Variants in WIPF3 observed in about 807,000 individuals in gnomAD.
WIPF3 encodes the protein WAS/WASL-interacting protein family member 3.
In WIPF3, 33 loss-of-function variants were observed where a neutral mutation model predicts 38.9. The ratio of observed to expected loss-of-function variants is 0.85; its 90% CI spans 0.64 to 1.14. The LOEUF (loss-of-function observed/expected upper bound fraction) is 1.14. WIPF3 is among the 50% of genes most tolerant of loss of function. The pLI is 0.00. For synonymous variants in WIPF3, 324 were observed against 269.3 expected (o/e 1.20, Z -1.99); for missense variants, 711 against 652.5 (o/e 1.09, Z -0.98).
chr7:29,904,145 A>G (rs1786344153), intron 7 of WIPF3, 141 bp from the exon 8 acceptor site: 1 of 673,226 alleles, frequency 1.5e-6, no homozygotes, highest in African/African-American at 1.8e-5. Context: ...AGAAGATGGG[A>G]GTGGTGGAAA....
intron 2 of WIPF3, among the ~76,000 whole-genome samples, chr7:29,847,610 G>A (rs556273118): frequency 6.6e-6 from 1 of 152,044 alleles, no homozygotes; most frequent in South Asian, 2.1e-4. Context: ...CTGAACAGGG[G>A]AAACCCAGCA....
At position 29,874,493 on chromosome 7, in the gene WIPF3, T is replaced by C. The variant is rs117622325; in HGVS notation, c.91-1337T>C. On this transcript the variant is annotated intron_variant, in intron 2 of 8. Coordinates refer to ENST00000242140, the MANE Select transcript of WIPF3 (RefSeq NM_001080529.3). Reference sequence around the variant, plus strand: ...AAACAGTGAATGGCCTTATTTAGATTTGGGGTCAGAAAAGGCCTCTGAAGT... The same window carrying C: ...AAACAGTGAATGGCCTTATTTAGATCTGGGGTCAGAAAAGGCCTCTGAAGT... 3.9e-3 allele frequency among the ~76,000 whole-genome samples: 593 copies of C among 152,248 alleles called. 4 individuals carry two copies. The highest frequency in any genetic ancestry group is 0.019 in the East Asian group (99 of 5,182).
At chr7:29,858,318 A>G (rs1241011674) in intron 2 of WIPF3, among the ~76,000 whole-genome samples, 1 of 152,198 alleles carries the variant, frequency 6.6e-6, no homozygotes, top group Non-Finnish European at 1.5e-5. Context: ...AGCCTCTTCC[A>G]TAGCGTGTGG....
chr7:29,824,930 T>G (rs1338240509), intron 1 of WIPF3, among the ~76,000 whole-genome samples: 1 of 152,170 alleles, frequency 6.6e-6, no homozygotes, highest in African/African-American at 2.4e-5. Flanking sequence ...GCACTTAAAC[T>G]AACCTAAAGT....
At chr7:29,856,768 C>T (rs1785192995) in intron 2 of WIPF3, among the ~76,000 whole-genome samples, 1 of 152,132 alleles carries the variant, frequency 6.6e-6, no homozygotes, top group African/African-American at 2.4e-5. Flanking sequence ...GGATGATACC[C>T]TTAGACAGAA....
At chr7:29,809,678 A>G (rs1784340474) in intron 1 of WIPF3, among the ~76,000 whole-genome samples, 2 of 152,158 alleles carry the variant, frequency 1.3e-5, no homozygotes, top group Admixed American at 1.3e-4. Context: ...CCCTTTTGCA[A>G]TTCTAGCTGC....
chr7:29,888,280 G>GGA (rs995654382), intron 6 of WIPF3, 63 bp downstream of exon 6: 3 of 1,538,320 alleles, frequency 2.0e-6, no homozygotes, highest in Middle Eastern at 1.7e-4. Context: ...CCCAACCTCT[G>GGA]GAGAGAGAGT....
intron 7 of WIPF3, among the ~76,000 whole-genome samples, chr7:29,899,210 C>T (rs1224840881): frequency 6.6e-6 from 1 of 152,174 alleles, no homozygotes; most frequent in Non-Finnish European, 1.5e-5. Flanking sequence ...CCAAAAGCCA[C>T]ACCTCCAAAT....
chr7:29,825,443 T>C (rs985818273), intron 1 of WIPF3, among the ~76,000 whole-genome samples: 1 of 152,250 alleles, frequency 6.6e-6, no homozygotes, highest in African/African-American at 2.4e-5. Flanking sequence ...ATAACTGTTA[T>C]ATAAAATGCA....
At chr7:29,845,545 C>T (rs112231142) in intron 2 of WIPF3, among the ~76,000 whole-genome samples, 4 of 152,194 alleles carry the variant, frequency 2.6e-5, no homozygotes, top group African/African-American at 9.7e-5. Context: ...CATATGTTGC[C>T]TCTTCATTAA....
intron 7 of WIPF3, among the ~76,000 whole-genome samples, chr7:29,890,815 G>A (rs1785994457): frequency 1.4e-5 from 2 of 147,628 alleles, no homozygotes; most frequent in African/African-American, 5.0e-5. Flanking sequence ...TGCTCAGGTG[G>A]AGGGGGCGCA....
At chr7:29,871,955 A>G (rs892583636) in intron 2 of WIPF3, among the ~76,000 whole-genome samples, 6 of 152,238 alleles carry the variant, frequency 3.9e-5, no homozygotes, top group Non-Finnish European at 5.9e-5. Flanking sequence ...AACTGAGTCA[A>G]CAAAAGCTTT....
At chr7:29,890,950 C>CACGG (rs1786002086) in intron 7 of WIPF3, among the ~76,000 whole-genome samples, 2 of 94,890 alleles carry the variant, frequency 2.1e-5, no homozygotes, top group African/African-American at 8.4e-5. Flanking sequence ...GTGGAGGGGG[C>CACGG]GCGGGCCTGC....
chr7:29,850,060 A>G (rs930772534), intron 2 of WIPF3, among the ~76,000 whole-genome samples: 5 of 152,240 alleles, frequency 3.3e-5, no homozygotes, highest in African/African-American at 1.2e-4. Context: ...AGACTCATTC[A>G]TATGCCTTTT....
Position 29,914,661 on chromosome 7 carries a change from G to T in WIPF3, c.*145G>T. On this transcript the variant is annotated 3_prime_UTR_variant, in exon 9 of 9. Transcript: ENST00000242140. ...TTATTGTAAATATGTGATTTGCACG[G>T]GCTTTAAAGCAGTATTTTAATTGAC... 3.9e-6 allele frequency: 2 copies of T among 509,868 alleles called. No individual in the cohort carries two copies. The highest frequency in any genetic ancestry group is 6.6e-6 in the Non-Finnish European group (2 of 302,306). The allele number at this position is 509,868 out of a possible 1,614,324, so 31.6% of individuals were successfully genotyped here.
intron 7 of WIPF3, among the ~76,000 whole-genome samples, chr7:29,897,669 G>A (rs1786179267): frequency 6.6e-6 from 1 of 152,136 alleles, no homozygotes; most frequent in Admixed American, 6.6e-5. Context: ...TCAACAGTAT[G>A]GAATAGTTCA....
intron 1 of WIPF3, among the ~76,000 whole-genome samples, chr7:29,814,768 AT>A (rs1375255542): frequency 6.6e-6 from 1 of 152,090 alleles, no homozygotes; most frequent in African/African-American, 2.4e-5. Flanking sequence ...TGCTCAGTAC[AT>A]GTGAACTATT....
chr7:29,891,625 A>G (rs1321907479), intron 7 of WIPF3, among the ~76,000 whole-genome samples: 1 of 152,172 alleles, frequency 6.6e-6, no homozygotes, highest in Admixed American at 6.5e-5. Context: ...TCCATCTCCC[A>G]TCCTTGCTCA....
intron 2 of WIPF3, among the ~76,000 whole-genome samples, chr7:29,839,492 C>G (rs1409826132): frequency 6.6e-6 from 1 of 152,196 alleles, no homozygotes; most frequent in African/African-American, 2.4e-5. Context: ...GACCTCCTAT[C>G]ACAAGCCTCT....
Sources: gnomAD v4.1 joint callset for allele counts (sites outside exome capture counted in the v4.1 genomes callset) on GRCh38, gnomAD v4.1.1 for gene constraint, MANE v1.5 for transcripts, NCBI Gene and HGNC (gene_info 2026-07-23, HGNC 2026-07-21) for gene names.